EIF3J: variants seen among roughly 807,000 people sequenced by gnomAD.
EIF3J encodes the protein eukaryotic translation initiation factor 3, subunit 1 (alpha, 35kD).
EIF3J carries 15 observed loss-of-function variants against 39.0 expected under a neutral mutation model. The ratio of observed to expected loss-of-function variants is 0.38; its 90% CI spans 0.26 to 0.59. The LOEUF (loss-of-function observed/expected upper bound fraction) is 0.59, where lower values mean the gene tolerates loss of function less well. Ranked by LOEUF, EIF3J falls within the 20% of genes least tolerant of loss-of-function variation. The pLI is 0.60. For synonymous variants in EIF3J, 98 were observed against 112.9 expected, an observed-to-expected ratio of 0.87 and a Z score of 0.84; for missense variants, 226 against 308.6, an observed-to-expected ratio of 0.73 and a Z score of 2.00.
Position 44,551,433 on chromosome 15 carries a change from G to A in EIF3J, c.205G>A (p.Val69Ile). The stretch of plus-strand genomic sequence containing the variant: ...ATAAAACTTTTTTTTACTTTTAGAG[G>A]TAAAAATTTCAGAAAAGAAAAAAAT... Reference protein sequence around the residue: ...KKEEAEVKPEVKISEKKKIAE... With the variant: ...KKEEAEVKPEIKISEKKKIAE... The change falls in exon 4 of 8, where the codon GTA becomes ATA. Residue 69 changes from valine (V) to isoleucine (I), a missense_variant and splice_region_variant. Coordinates refer to ENST00000261868, the MANE Select transcript of EIF3J (RefSeq NM_003758.4). The A allele has an allele frequency of 6.4e-7, 1 of 1,566,420 alleles. No homozygotes were observed. The highest frequency in any genetic ancestry group is 8.6e-7 in the Non-Finnish European group (1 of 1,158,620).
intron 2 of EIF3J, among the ~76,000 whole-genome samples, chr15:44,545,317 A>T (rs1265321321): frequency 6.6e-6 from 1 of 152,196 alleles, no homozygotes; most frequent in East Asian, 1.9e-4. Context: ...AGTGTTTAAA[A>T]CATGCTTTTT....
chr15:44,544,799 A>G (rs2082040701), intron 2 of EIF3J, among the ~76,000 whole-genome samples: 1 of 151,682 alleles, frequency 6.6e-6, no homozygotes, highest in Non-Finnish European at 1.5e-5. Flanking sequence ...AGGTCAAGAG[A>G]TCAAGATTAT....
intron 4 of EIF3J, among the ~76,000 whole-genome samples, 178 bp from the exon 5 acceptor site, chr15:44,554,375 T>TAAAA (rs59415615): frequency 1.1e-4 from 7 of 61,876 alleles, no homozygotes; most frequent in African/African-American, 3.7e-4. Flanking sequence ...AGGCTCTGTC[T>TAAAA]AAAAAAAAAA....
At chr15:44,549,344 T>C (rs1279648127) in intron 2 of EIF3J, among the ~76,000 whole-genome samples, 1 of 151,636 alleles carries the variant, frequency 6.6e-6, no homozygotes, top group Non-Finnish European at 1.5e-5. Flanking sequence ...TGAGCCTAGA[T>C]CATGCCATTG....
chr15:44,544,261 A>AT (rs1282339959), intron 2 of EIF3J, among the ~76,000 whole-genome samples: 3 of 150,452 alleles, frequency 2.0e-5, no homozygotes, highest in Non-Finnish European at 3.0e-5. Flanking sequence ...CGCCCTGCTA[A>AT]TTTTTTTTGT....
intron 2 of EIF3J, among the ~76,000 whole-genome samples, chr15:44,544,100 T>TTTA (rs1555444219): frequency 6.9e-6 from 1 of 145,940 alleles, no homozygotes; most frequent in African/African-American, 2.5e-5. Context: ...TTTCTTTTCT[T>TTTA]TTTTTTTTTT....
intron 4 of EIF3J, among the ~76,000 whole-genome samples, chr15:44,554,339 T>C (rs1567119087): frequency 1.4e-5 from 2 of 142,604 alleles, no homozygotes; most frequent in Admixed American, 7.4e-5. Context: ...ATCATGCCAC[T>C]GTGCTCCAGC....
At chr15:44,539,024 TTC>T (rs1434325154) in intron 2 of EIF3J, among the ~76,000 whole-genome samples, 1 of 150,938 alleles carries the variant, frequency 6.6e-6, no homozygotes, top group East Asian at 1.9e-4. Context: ...ATGAATATAA[TTC>T]TTTTTTTTTT....
At chr15:44,554,800 CTG>C (rs943140262) in intron 5 of EIF3J, 133 bp downstream of exon 5, 11 of 511,078 alleles carry the variant, frequency 2.2e-5, no homozygotes, top group Non-Finnish European at 3.4e-5. Context: ...TTTTTAATCT[CTG>C]TGTATATTTG....
chr15:44,553,353 G>C (rs748039088), intron 4 of EIF3J, among the ~76,000 whole-genome samples: 4 of 152,052 alleles, frequency 2.6e-5, no homozygotes, highest in Non-Finnish European at 4.4e-5. Flanking sequence ...TTAGACGGGC[G>C]TGGTGGCGGG....
At chr15:44,550,465 A>AATTTTTTT (rs1318582352) in intron 2 of EIF3J, among the ~76,000 whole-genome samples, 1 of 151,472 alleles carries the variant, frequency 6.6e-6, no homozygotes, top group Non-Finnish European at 1.5e-5. Flanking sequence ...TTAATTTTTT[A>AATTTTTTT]ATTTTTTTTT....
intron 2 of EIF3J, among the ~76,000 whole-genome samples, chr15:44,549,565 C>A (rs954083250): frequency 2.0e-5 from 3 of 151,758 alleles, no homozygotes; most frequent in African/African-American, 7.3e-5. Flanking sequence ...ATCAGGAGTT[C>A]GAGACCAGTG....
At chr15:44,543,720 T>C (rs900998155) in intron 2 of EIF3J, among the ~76,000 whole-genome samples, 5 of 152,288 alleles carry the variant, frequency 3.3e-5, no homozygotes, top group African/African-American at 1.2e-4. Context: ...CCAGAATCAC[T>C]TCTTTTGCTA....
At chr15:44,554,388 A>C (rs1200851160) in intron 4 of EIF3J, among the ~76,000 whole-genome samples, 165 bp from the exon 5 acceptor site, 2 of 151,658 alleles carry the variant, frequency 1.3e-5, no homozygotes, top group South Asian at 2.1e-4. Flanking sequence ...AAAAAAAAAA[A>C]AAAAAAAAAA....
chr15:44,553,656 A>T (rs1213501358), intron 4 of EIF3J, among the ~76,000 whole-genome samples: 4 of 152,130 alleles, frequency 2.6e-5, no homozygotes, highest in Admixed American at 6.6e-5. Context: ...ATACAATATG[A>T]TGAAAAGGGG....
In EIF3J at chr15:44,561,143, C is replaced by A; in HGVS notation, c.771C>A (p.Phe257Leu). 6.2e-7 allele frequency: 1 copy of A among 1,610,234 alleles called. No homozygotes were observed. Among genetic ancestry groups the A allele is most frequent in the Non-Finnish European group, 8.5e-7 (1 of 1,179,028 alleles). The part of the protein sequence containing the change: ...DGGYVQDYED[F>L]M ...GATATGTACAAGACTATGAAGACTTCATGTGACATTTTATCTTTTCTTGGT... is the reference window on the plus strand; with the variant it reads ...GATATGTACAAGACTATGAAGACTTAATGTGACATTTTATCTTTTCTTGGT... Residue 257 changes from phenylalanine (F) to leucine (L), a missense_variant, in exon 8 of 8, where the codon TTC becomes TTA. Phe to Leu is a conservative substitution (Grantham distance 22). Transcript: ENST00000261868.
intron 2 of EIF3J, among the ~76,000 whole-genome samples, chr15:44,538,648 T>C (rs926325980): frequency 1.3e-5 from 2 of 152,218 alleles, no homozygotes; most frequent in Non-Finnish European, 2.9e-5. Flanking sequence ...TTTGCACACA[T>C]TGAAGTTAAT....
chr15:44,552,660 C>T (rs1303199323), intron 4 of EIF3J, among the ~76,000 whole-genome samples: 1 of 151,944 alleles, frequency 6.6e-6, no homozygotes, highest in Non-Finnish European at 1.5e-5. Context: ...CTCCCGGGTT[C>T]AAGTGATTCT....
intron 6 of EIF3J, chr15:44,558,722 G>A (rs565050484): frequency 3.3e-5 from 5 of 151,846 alleles, no homozygotes; most frequent in Non-Finnish European, 7.4e-5. Context: ...TTATAGGTGT[G>A]AGCCACCACG....
Sources: gnomAD v4.1 joint callset for allele counts (sites outside exome capture counted in the v4.1 genomes callset) on GRCh38, gnomAD v4.1.1 for gene constraint, MANE v1.5 for transcripts, NCBI Gene and HGNC (gene_info 2026-07-23, HGNC 2026-07-21) for gene names.